Variants in MARCHF1 observed in about 807,000 individuals in gnomAD.
The protein encoded by MARCHF1 is E3 ubiquitin-protein ligase MARCHF1.
MARCHF1 carries 40 observed loss-of-function variants against 54.2 expected under a neutral mutation model. The ratio of observed to expected loss-of-function variants is 0.74; its 90% CI spans 0.57 to 0.96. MARCHF1 has a LOEUF of 0.96. MARCHF1 is among the 40% of genes least tolerant of loss of function. MARCHF1 has a pLI of 0.00. For synonymous variants in MARCHF1, 236 were observed against 236.3 expected, an observed-to-expected ratio of 1.00 and a Z score of 0.01; for missense variants, 586 against 656.5, an observed-to-expected ratio of 0.89 and a Z score of 1.17.
chr4:164,281,403 G>A (rs1448702995), intron 1 of MARCHF1, among the ~76,000 whole-genome samples: 1 of 152,162 alleles, frequency 6.6e-6, no homozygotes, highest in Non-Finnish European at 1.5e-5. Flanking sequence ...CACTGCCTGA[G>A]CACCTGTGGA....
chr4:164,137,892 A>T (rs563645277), intron 1 of MARCHF1, among the ~76,000 whole-genome samples: 1 of 152,312 alleles, frequency 6.6e-6, no homozygotes, highest in African/African-American at 2.4e-5. Flanking sequence ...ATTTATTGTG[A>T]GGTTCTTTGA....
chr4:163,918,943 G>T (rs546975883), intron 3 of MARCHF1, among the ~76,000 whole-genome samples: 1 of 152,194 alleles, frequency 6.6e-6, no homozygotes, highest in South Asian at 2.1e-4. Context: ...CCTGTCGCCT[G>T]AATATATGTG....
Position 163,645,438 on chromosome 4 carries a change from C to G in MARCHF1, c.163-32045G>C, listed in dbSNP as rs1415199129. 6.6e-5 allele frequency among the ~76,000 whole-genome samples: 10 copies of G among 152,280 alleles called. No homozygotes were observed. The South Asian group carries it at 1.9e-3, about 28-fold the overall frequency. On this transcript the variant is annotated intron_variant, in intron 5 of 9. Transcript: ENST00000514618. ...GTCTTGTTCCTTCAAATGGAGACTC[C>G]AGCAAACGAGTCTATGGATAACGAA...
intron 1 of MARCHF1, among the ~76,000 whole-genome samples, chr4:164,375,077 A>T (rs1437600917): frequency 6.6e-6 from 1 of 152,168 alleles, no homozygotes; most frequent in African/African-American, 2.4e-5. Context: ...AATTTGGGAG[A>T]ATTTAGCAGA....
In MARCHF1 at chr4:164,242,056, C is replaced by T. The variant is rs530365927; in HGVS notation, c.-322-130394G>A. 5.3e-5 allele frequency among the ~76,000 whole-genome samples: 8 copies of T among 152,232 alleles called. No individual in the cohort carries two copies. In the East Asian group the frequency reaches 7.7e-4, roughly 15 times the overall value. ...GGCGGCAGCGAGGCAGGGGGAGGGG[C>T]GCCCGCCATTGCCCAGCCTTGATTA... is the stretch of plus-strand genomic sequence containing the variant. On this transcript the variant is annotated intron_variant, in intron 1 of 9. Coordinates refer to ENST00000514618, the MANE Select transcript of MARCHF1 (RefSeq NM_001394959.1).
chr4:163,867,603 G>A (rs1750081162), intron 3 of MARCHF1, among the ~76,000 whole-genome samples: 2 of 151,744 alleles, frequency 1.3e-5, no homozygotes, highest in African/African-American at 4.8e-5. Context: ...AAATGACTCA[G>A]ATACTGACTA....
In MARCHF1 at chr4:163,532,438, A is replaced by G. The variant is rs1009672475; in HGVS notation, c.1340-3392T>C. 5.9e-5 allele frequency among the ~76,000 whole-genome samples: 9 copies of G among 151,900 alleles called. No individual in the cohort carries two copies. In the East Asian group the frequency reaches 1.7e-3, roughly 29 times the overall value. ...AATTTTTCACAAAAATTAACTCAAA[A>G]TGGATTATAGAACTAAATGTAAACT... On this transcript the variant is annotated intron_variant, in intron 9 of 9. Transcript: ENST00000514618.
intron 3 of MARCHF1, among the ~76,000 whole-genome samples, chr4:163,896,063 C>G (rs759587771): frequency 1.1e-4 from 17 of 152,190 alleles, no homozygotes; most frequent in Non-Finnish European, 2.5e-4. Flanking sequence ...AATAAAATAC[C>G]ATGCGTAACC....
chr4:163,982,112 C>G (rs1382019016), intron 3 of MARCHF1, among the ~76,000 whole-genome samples: 1 of 152,146 alleles, frequency 6.6e-6, no homozygotes. Context: ...TTGCTGAAAG[C>G]AAATAATAAT....
intron 1 of MARCHF1, among the ~76,000 whole-genome samples, chr4:164,318,097 A>G (rs1187375777): frequency 1.3e-5 from 2 of 152,176 alleles, no homozygotes; most frequent in Non-Finnish European, 2.9e-5. Context: ...CTCCTCATCT[A>G]TAAAAATGAG....
chr4:163,647,318 G>A (rs1391436466), intron 5 of MARCHF1, among the ~76,000 whole-genome samples: 2 of 151,818 alleles, frequency 1.3e-5, no homozygotes, highest in Non-Finnish European at 2.9e-5. Flanking sequence ...TAATAGTAGG[G>A]GACTGTAATA....
intron 2 of MARCHF1, among the ~76,000 whole-genome samples, chr4:164,025,674 A>C (rs1324188997): frequency 6.8e-6 from 1 of 147,762 alleles, no homozygotes; most frequent in Non-Finnish European, 1.5e-5. Context: ...TAGAAAAAAA[A>C]CAACAAACCA....
At chr4:163,620,596 CACACACACACAGAGAGAGAGAG>C (rs1438267474) in intron 5 of MARCHF1, among the ~76,000 whole-genome samples, 21 of 89,092 alleles carry the variant, frequency 2.4e-4, no homozygotes, top group African/African-American at 9.5e-4. Flanking sequence ...CACACACACA[CACACACACACAGAGAGAGAGAG>C]AGAGAGAGAG....
At chr4:163,534,711 C>T (rs1041379226) in intron 9 of MARCHF1, among the ~76,000 whole-genome samples, 4 of 151,964 alleles carry the variant, frequency 2.6e-5, no homozygotes, top group Non-Finnish European at 4.4e-5. Context: ...GTCTGTTAGT[C>T]GTATACAAAT....
chr4:164,159,767 C>T (rs892245406), intron 1 of MARCHF1, among the ~76,000 whole-genome samples: 4 of 152,122 alleles, frequency 2.6e-5, no homozygotes, highest in African/African-American at 9.7e-5. Flanking sequence ...TGTAAGCTAG[C>T]AGGAAATAGA....
chr4:163,989,641 T>A (rs1017862183), intron 2 of MARCHF1, among the ~76,000 whole-genome samples: 12 of 152,196 alleles, frequency 7.9e-5, no homozygotes, highest in African/African-American at 1.9e-4. Flanking sequence ...TTAAAAAAAA[T>A]TCCTTTTAAA....
intron 4 of MARCHF1, among the ~76,000 whole-genome samples, chr4:163,736,079 T>C (rs1430016308): frequency 1.3e-5 from 2 of 152,198 alleles, no homozygotes; most frequent in East Asian, 3.8e-4. Flanking sequence ...GATAGAAGAT[T>C]TATTCTTACC....
intron 2 of MARCHF1, among the ~76,000 whole-genome samples, chr4:164,088,210 T>C (rs1051074632): frequency 3.3e-5 from 5 of 152,198 alleles, no homozygotes; most frequent in East Asian, 1.9e-4. Flanking sequence ...TCAGAATTCA[T>C]TATTTACACA....
chr4:164,244,089 G>C, intron 1 of MARCHF1, among the ~76,000 whole-genome samples: 1 of 152,004 alleles, frequency 6.6e-6, no homozygotes, highest in East Asian at 1.9e-4. Context: ...ATTGAACTCA[G>C]CTCTGCACCA....
Sources: allele counts gnomAD v4.1 joint callset (sites outside exome capture counted in the v4.1 genomes callset), GRCh38; gene constraint gnomAD v4.1.1; transcripts MANE v1.5; gene names NCBI Gene and HGNC (gene_info 2026-07-23, HGNC 2026-07-21).